ADA2: variants seen among roughly 807,000 people sequenced by gnomAD.
The protein encoded by ADA2 is adenosine deaminase CECR1.
ADA2 carries 29 observed loss-of-function variants against 44.2 expected under a neutral mutation model. That is an observed-to-expected ratio of 0.66 (90% CI 0.49 to 0.89). ADA2 has a LOEUF of 0.89. Ranked by LOEUF, ADA2 falls within the 40% of genes least tolerant of loss-of-function variation. ADA2 has a pLI of 0.00. For synonymous variants in ADA2, 215 were observed against 234.9 expected, an observed-to-expected ratio of 0.92 and a Z score of 0.77; for missense variants, 637 against 644.8, an observed-to-expected ratio of 0.99 and a Z score of 0.13.
intron 4 of ADA2, among the ~76,000 whole-genome samples, chr22:17,196,638 G>A (rs1302767515): frequency 1.3e-5 from 2 of 152,114 alleles, no homozygotes; most frequent in Non-Finnish European, 2.9e-5. Flanking sequence ...CCAGGGTAGA[G>A]TCCTTGCAGT....
chr22:17,203,923 C>A, intron 3 of ADA2, 150 bp from the exon 4 acceptor site: 1 of 636,818 alleles, frequency 1.6e-6, no homozygotes, highest in South Asian at 1.8e-5. Flanking sequence ...CAAAGGGGAG[C>A]ATTCCCACGC....
chr22:17,188,863 C>CAAAAAAAAAA (rs371138653), intron 6 of ADA2: 3 of 26,780 alleles, frequency 1.1e-4, no homozygotes, highest in Non-Finnish European at 2.6e-4. Flanking sequence ...TGGCCAAGAG[C>CAAAAAAAAAA]AAAAAATATA....
At chr22:17,193,359 A>AG (rs1491504132) in intron 4 of ADA2, 3 of 14,062 alleles carry the variant, frequency 2.1e-4, no homozygotes, top group Non-Finnish European at 4.5e-4. Flanking sequence ...TAAAAACTGC[A>AG]AAAAAAAAAA....
At chr22:17,199,448 C>CCTCCCCACCTCT in intron 4 of ADA2, 1 of 1,129,586 alleles carries the variant, frequency 8.9e-7, no homozygotes. Flanking sequence ...TCTTCCCCTC[C>CCTCCCCACCTCT]ACCCACGAAG....
At chr22:17,205,602 C>G (rs1274962855) in intron 3 of ADA2, among the ~76,000 whole-genome samples, 1 of 152,190 alleles carries the variant, frequency 6.6e-6, no homozygotes, top group African/African-American at 2.4e-5. Context: ...CTTCACGTTT[C>G]TCATTTCATA....
Position 17,180,232 on chromosome 22 carries a change from CA to C in ADA2, c.*1250del, listed in dbSNP as rs1174660603. On this transcript the variant is annotated 3_prime_UTR_variant, in exon 10 of 10. Coordinates refer to ENST00000399837, the MANE Select transcript of ADA2 (RefSeq NM_001282225.2). ...GGGAGATCAGTGAGGAGGCTGTTGTCATAGCTCAGGCAGGAGTATGGTAGCT... is the reference window on the plus strand; with the variant it reads ...GGGAGATCAGTGAGGAGGCTGTTGTCTAGCTCAGGCAGGAGTATGGTAGCT... 6.6e-6 allele frequency: 1 copy of C among 152,434 alleles called. No individual in the cohort carries two copies. The highest frequency in any genetic ancestry group is 1.5e-5 in the Non-Finnish European group (1 of 68,148). The allele number at this position is 152,434 out of a possible 1,614,324, so 9.4% of individuals were successfully genotyped here.
At position 17,213,744 on chromosome 22, in the gene ADA2, A is replaced by G. The variant is rs547344750; in HGVS notation, c.-46-4021T>C. 1.2e-5 allele frequency: 3 copies of G among 249,096 alleles called. No individual in the cohort carries two copies. In the South Asian group the frequency reaches 1.3e-4, roughly 10 times the overall value. The allele number at this position is 249,096 out of a possible 1,614,324, so 15.4% of individuals were successfully genotyped here. On this transcript the variant is annotated intron_variant, in intron 1 of 9. Coordinates refer to ENST00000399837, the MANE Select transcript of ADA2 (RefSeq NM_001282225.2). The stretch of plus-strand genomic sequence containing the variant: ...GAAGCGGCAATGGAAAGGATCCTCA[A>G]GAAAGCATCCAGGCCAGGCTTGGTG...
rs2061954486 is a variant in ADA2, at chr22:17,180,282, T to C, written c.*1201A>G. On this transcript the variant is annotated 3_prime_UTR_variant, in exon 10 of 10. Coordinates refer to ENST00000399837, the MANE Select transcript of ADA2 (RefSeq NM_001282225.2). ...CTTGGACTTGGCAACAGCGTGCAGG[T>C]AGAGCACCACCGCTGGAGTCTGGAT... The C allele has an allele frequency of 6.6e-6, 1 of 152,262 alleles. No homozygotes were observed. The allele number at this position is 152,262 out of a possible 1,614,324, so 9.4% of individuals were successfully genotyped here.
intron 4 of ADA2, chr22:17,192,998 C>T: frequency 1.6e-6 from 1 of 635,758 alleles, no homozygotes; most frequent in Non-Finnish European, 2.9e-6. Flanking sequence ...TCAAAATTAA[C>T]CGTAACTGGC....
At chr22:17,203,341 CAG>C (rs766402622) in intron 4 of ADA2, among the ~76,000 whole-genome samples, 39 of 152,154 alleles carry the variant, frequency 2.6e-4, no homozygotes, top group Non-Finnish European at 3.8e-4. Flanking sequence ...CCATGAGAAA[CAG>C]GGGGGCAAAG....
intron 1 of ADA2, among the ~76,000 whole-genome samples, chr22:17,214,419 A>G (rs972512638): frequency 6.6e-6 from 1 of 152,254 alleles, no homozygotes; most frequent in Non-Finnish European, 1.5e-5. Flanking sequence ...AAGTTTATTC[A>G]GAGGTAAAGC....
upstream of ADA2, among the ~76,000 whole-genome samples, chr22:17,220,306 C>T (rs2062514040): frequency 6.6e-6 from 1 of 152,112 alleles, no homozygotes; most frequent in Admixed American, 6.5e-5. Context: ...CTCCAAGGGA[C>T]AAGTGGAGCA....
intron 3 of ADA2, among the ~76,000 whole-genome samples, chr22:17,206,527 T>G (rs909141161): frequency 5.9e-5 from 9 of 152,174 alleles, no homozygotes; most frequent in Non-Finnish European, 8.8e-5. Context: ...AAAAATAGTG[T>G]TGCTGATAAT....
chr22:17,191,779 T>A lies in ADA2; in HGVS notation c.785A>T (p.Glu262Val). 2 of 1,613,734 alleles carry A rather than the reference T, an allele frequency of 1.2e-6. No homozygotes were observed. Among genetic ancestry groups the A allele is most frequent in the Middle Eastern group, 3.3e-4 (2 of 6,060 alleles). The change falls in exon 5 of 10, where the codon GAA becomes GTA. Residue 262 changes from glutamate to valine, a missense_variant. Glu to Val is a moderately radical substitution (Grantham distance 121). Coordinates refer to ENST00000399837, the MANE Select transcript of ADA2 (RefSeq NM_001282225.2). Reference sequence around the variant, plus strand: ...CTGGTAAGTCTTCACTGACCACTCTTCGTCATGGTGCTCTCCACTGAGCTC... The same window carrying A: ...CTGGTAAGTCTTCACTGACCACTCTACGTCATGGTGCTCTCCACTGAGCTC... ...VYELSGEHHD[E>V]EWSVKTYQEV...
At chr22:17,205,083 T>C (rs2062339090) in intron 3 of ADA2, among the ~76,000 whole-genome samples, 1 of 152,088 alleles carries the variant, frequency 6.6e-6, no homozygotes, top group Admixed American at 6.6e-5. Context: ...AGTAGCATGA[T>C]CTCAGCTCTC....
chr22:17,196,220 C>T (rs931945106), intron 4 of ADA2, among the ~76,000 whole-genome samples: 1 of 150,664 alleles, frequency 6.6e-6, no homozygotes, highest in Non-Finnish European at 1.5e-5. Context: ...ACTCGGGAGG[C>T]TGATGCAGGA....
intron 4 of ADA2, 76 bp from the exon 5 acceptor site, chr22:17,191,886 AGCC>A: frequency 7.0e-7 from 1 of 1,419,312 alleles, no homozygotes; most frequent in African/African-American, 1.9e-5. Flanking sequence ...ACCCCTGCCC[AGCC>A]ACCCCTGGCC....
chr22:17,201,874 G>T (rs2062291227), intron 4 of ADA2, among the ~76,000 whole-genome samples: 2 of 151,526 alleles, frequency 1.3e-5, no homozygotes, highest in African/African-American at 2.4e-5. Context: ...AGATTTTTTT[G>T]ATGATGCTCC....
At chr22:17,189,871 C>T in intron 6 of ADA2, 71 bp downstream of exon 6, 1 of 1,128,142 alleles carries the variant, frequency 8.9e-7, no homozygotes, top group Non-Finnish European at 1.3e-6. Context: ...CAGGGAGTTG[C>T]CGCTCCACCC....
Sources: allele counts gnomAD v4.1 joint callset (sites outside exome capture counted in the v4.1 genomes callset), GRCh38; gene constraint gnomAD v4.1.1; transcripts MANE v1.5; gene names NCBI Gene and HGNC (gene_info 2026-07-23, HGNC 2026-07-21).